SH3RF1: variants seen among roughly 807,000 people sequenced by gnomAD.
SH3RF1 encodes SH3 domain containing ring finger 1.
A neutral mutation model predicts 74.0 loss-of-function variants in SH3RF1; 32 were observed. The observed-to-expected ratio is 0.43, with a 90% CI of 0.33 to 0.58. The LOEUF is 0.58. Among genes scored for constraint, SH3RF1 ranks in the 20% least tolerant of loss-of-function variants. SH3RF1 has a pLI of 0.05. For synonymous variants in SH3RF1, 396 were observed against 439.6 expected (o/e 0.90, Z 1.24); for missense variants, 954 against 1,130.9 (o/e 0.84, Z 2.24).
chr4:169,153,566 C>T (rs550893064), intron 4 of SH3RF1, among the ~76,000 whole-genome samples: 2 of 152,266 alleles, frequency 1.3e-5, no homozygotes, highest in South Asian at 4.1e-4. Context: ...AGACAATCGA[C>T]ATTACTGAAA....
intron 11 of SH3RF1, among the ~76,000 whole-genome samples, chr4:169,102,751 C>G (rs1389759706): frequency 1.3e-5 from 2 of 152,038 alleles, no homozygotes; most frequent in African/African-American, 4.8e-5. Context: ...GTCTCTCTAA[C>G]AAACACAGAA....
At chr4:169,248,685 A>G (rs536166156) in intron 2 of SH3RF1, among the ~76,000 whole-genome samples, 5 of 152,298 alleles carry the variant, frequency 3.3e-5, no homozygotes, top group South Asian at 4.2e-4. Context: ...TAATAGGAAA[A>G]GGGGAAACAT....
intron 2 of SH3RF1, among the ~76,000 whole-genome samples, chr4:169,189,586 G>A (rs1579127732): frequency 2.6e-5 from 4 of 152,286 alleles, no homozygotes; most frequent in East Asian, 1.9e-4. Flanking sequence ...GGCTATCAGT[G>A]CAATACCACA....
At chr4:169,268,794 C>G in intron 2 of SH3RF1, 26 bp downstream of exon 2, 1 of 1,530,616 alleles carries the variant, frequency 6.5e-7, no homozygotes, top group Non-Finnish European at 8.7e-7. Flanking sequence ...CCTTTATTCA[C>G]CAAACTACCT....
intron 2 of SH3RF1, among the ~76,000 whole-genome samples, chr4:169,232,494 T>C (rs1284469316): frequency 6.6e-6 from 1 of 152,158 alleles, no homozygotes; most frequent in Non-Finnish European, 1.5e-5. Flanking sequence ...AATGAATAAA[T>C]GGCTAAAATG....
At chr4:169,162,388 C>T (rs1294768661) in intron 2 of SH3RF1, among the ~76,000 whole-genome samples, 3 of 152,102 alleles carry the variant, frequency 2.0e-5, no homozygotes, top group East Asian at 1.9e-4. Flanking sequence ...ACGGCCAAGA[C>T]GAATATTAAA....
chr4:169,256,321 G>A (rs1476233807), intron 2 of SH3RF1, among the ~76,000 whole-genome samples: 1 of 151,686 alleles, frequency 6.6e-6, no homozygotes, highest in East Asian at 1.9e-4. Flanking sequence ...AAGGAAGGGA[G>A]GGAGAAATAG....
chr4:169,163,118 C>T (rs1734177668), intron 2 of SH3RF1, among the ~76,000 whole-genome samples: 1 of 150,856 alleles, frequency 6.6e-6, no homozygotes, highest in Admixed American at 6.6e-5. Context: ...AAAAAACAAA[C>T]TAGAGATAAA....
At chr4:169,192,922 T>G (rs201107227) in intron 2 of SH3RF1, among the ~76,000 whole-genome samples, 6 of 43,916 alleles carry the variant, frequency 1.4e-4, no homozygotes, top group African/African-American at 2.8e-4. Flanking sequence ...ATATATGTGA[T>G]ATATATATAT....
intron 2 of SH3RF1, among the ~76,000 whole-genome samples, chr4:169,170,045 T>C (rs1734300996): frequency 6.6e-6 from 1 of 151,826 alleles, no homozygotes; most frequent in Non-Finnish European, 1.5e-5. Flanking sequence ...GATAGATTAA[T>C]GGGCAGTTTT....
chr4:169,141,401 C>T (rs1189186913), intron 4 of SH3RF1, among the ~76,000 whole-genome samples: 1 of 152,156 alleles, frequency 6.6e-6, no homozygotes. Flanking sequence ...TATGTCTTGG[C>T]AGGCTCGTAC....
At chr4:169,159,163 A>G (rs1734109787) in intron 2 of SH3RF1, among the ~76,000 whole-genome samples, 1 of 152,150 alleles carries the variant, frequency 6.6e-6, no homozygotes, top group Admixed American at 6.5e-5. Flanking sequence ...AATGCCCACC[A>G]AGAACTCTGG....
At chr4:169,106,374 C>T (rs915364258) in intron 11 of SH3RF1, among the ~76,000 whole-genome samples, 1 of 151,598 alleles carries the variant, frequency 6.6e-6, no homozygotes, top group Non-Finnish European at 1.5e-5. Flanking sequence ...CAGTGTGGCC[C>T]AAGACAATTC....
chr4:169,219,602 T>C (rs765293170), intron 2 of SH3RF1, among the ~76,000 whole-genome samples: 1 of 152,230 alleles, frequency 6.6e-6, no homozygotes, highest in Non-Finnish European at 1.5e-5. Context: ...AAGGAGCAGC[T>C]TGTGTTTGTT....
intron 2 of SH3RF1, among the ~76,000 whole-genome samples, chr4:169,162,067 T>C (rs908665683): frequency 1.3e-5 from 2 of 151,936 alleles, no homozygotes; most frequent in African/African-American, 2.4e-5. Flanking sequence ...TCCCAACTAC[T>C]TGCGAGGCTG....
intron 2 of SH3RF1, among the ~76,000 whole-genome samples, chr4:169,239,055 C>T (rs1408232334): frequency 6.6e-6 from 1 of 151,864 alleles, no homozygotes; most frequent in Non-Finnish European, 1.5e-5. Context: ...TGCACAGTGC[C>T]GTTCTGGGTC....
At chr4:169,225,634 T>C (rs1345078527) in intron 2 of SH3RF1, among the ~76,000 whole-genome samples, 1 of 152,132 alleles carries the variant, frequency 6.6e-6, no homozygotes, top group East Asian at 1.9e-4. Flanking sequence ...GTGACTGCAA[T>C]GTTAAAGGAA....
chr4:169,105,642 G>A (rs749186988), intron 11 of SH3RF1, among the ~76,000 whole-genome samples: 6 of 152,150 alleles, frequency 3.9e-5, no homozygotes, highest in Non-Finnish European at 8.8e-5. Context: ...GCCTGTAATC[G>A]CAGCATTTTG....
chr4:169,267,530 A>T (rs893150345), intron 2 of SH3RF1, among the ~76,000 whole-genome samples: 3 of 152,250 alleles, frequency 2.0e-5, no homozygotes, highest in African/African-American at 4.8e-5. Context: ...GCTCCAAATA[A>T]GGAAAAGAAA....
Sources: gnomAD v4.1 joint callset for allele counts (sites outside exome capture counted in the v4.1 genomes callset) on GRCh38, gnomAD v4.1.1 for gene constraint, MANE v1.5 for transcripts, NCBI Gene and HGNC (gene_info 2026-07-23, HGNC 2026-07-21) for gene names.